PILRA: variants seen among roughly 807,000 people sequenced by gnomAD.
The protein encoded by PILRA is paired immunoglobin like type 2 receptor alpha, also known as paired immunoglobulin-like type 2 receptor alpha.
PILRA carries 37 observed loss-of-function variants against 33.1 expected under a neutral mutation model. The observed-to-expected ratio is 1.12, with a 90% confidence interval of 0.86 to 1.47. The LOEUF is 1.47. PILRA is among the 40% of genes most tolerant of loss of function. The probability of loss-of-function intolerance (pLI) is 0.00; values close to 1 mark genes in which losing one functional copy is unlikely to be tolerated. For missense variants in PILRA, 312 were observed against 376.2 expected (o/e 0.83, Z 1.41); for synonymous variants, 146 against 149.9 (o/e 0.97, Z 0.19).
chr7:100,397,775 C>T (rs1452050626), intron 3 of PILRA, 104 bp from the exon 4 acceptor site: 30 of 1,220,432 alleles, frequency 2.5e-5, no homozygotes, highest in African/African-American at 3.0e-5. Flanking sequence ...TCTGCTGCTC[C>T]GGTCCCTCTA....
intron 2 of PILRA, among the ~76,000 whole-genome samples, chr7:100,385,407 A>C (rs1791232366): frequency 6.6e-6 from 1 of 152,168 alleles, no homozygotes; most frequent in Non-Finnish European, 1.5e-5. Context: ...ACTTACACAT[A>C]ATTTAAAAAA....
intron 2 of PILRA, among the ~76,000 whole-genome samples, chr7:100,386,787 CA>C (rs1791264543): frequency 6.7e-6 from 1 of 149,290 alleles, no homozygotes; most frequent in African/African-American, 2.5e-5. Context: ...CCTCGGCCTC[CA>C]AAAGTGCTGA....
chr7:100,380,806 TA>T (rs1361326157), intron 2 of PILRA, among the ~76,000 whole-genome samples: 4 of 151,870 alleles, frequency 2.6e-5, no homozygotes, highest in Admixed American at 2.6e-4. Flanking sequence ...CTGTCTCTAC[TA>T]AAAATACAAA....
Position 100,373,552 on chromosome 7 carries a change from C to A in PILRA, c.-105C>A. ...CACAGCCCTCTTCGGAGCCTGAGCC[C>A]GGCTCTCCTCACTCACCTCAACCCC... is the stretch of plus-strand genomic sequence containing the variant. On this transcript the variant is annotated 5_prime_UTR_variant, in exon 1 of 7. Coordinates refer to ENST00000198536, the MANE Select transcript of PILRA (RefSeq NM_013439.3). 2 of 1,322,068 alleles carry A rather than the reference C, an allele frequency of 1.5e-6. No individual in the cohort carries two copies. Among genetic ancestry groups the A allele is most frequent in the Non-Finnish European group, 2.2e-6 (2 of 924,638 alleles). The allele number at this position is 1,322,068 out of a possible 1,614,324, so 81.9% of individuals were successfully genotyped here.
intron 2 of PILRA, among the ~76,000 whole-genome samples, chr7:100,375,100 C>T (rs1246998379): frequency 6.6e-6 from 1 of 152,164 alleles, no homozygotes; most frequent in Non-Finnish European, 1.5e-5. Flanking sequence ...ACCCTCCTCA[C>T]TTCTCCCTGG....
chr7:100,374,134 C>T lies in PILRA; in HGVS notation c.155C>T (p.Pro52Leu). The change falls in exon 2 of 7, where the codon CCC (proline) becomes CTC (leucine). Residue 52 changes from proline to leucine, a missense_variant. By Grantham distance (98) the Pro-to-Leu change is moderately conservative. Transcript: ENST00000198536. ...TCCATGGGTGGCTCTGTGGAAATCCCCTTCTCCTTCTATTACCCCTGGGAG... is the reference window on the plus strand; with the variant it reads ...TCCATGGGTGGCTCTGTGGAAATCCTCTTCTCCTTCTATTACCCCTGGGAG... ...SASMGGSVEIPFSFYYPWELA... is the reference protein window; with the variant it reads ...SASMGGSVEILFSFYYPWELA... The T allele has an allele frequency of 6.2e-7, 1 of 1,614,124 alleles. No homozygotes were observed. The highest frequency in any genetic ancestry group is 8.5e-7 in the Non-Finnish European group (1 of 1,180,022).
At chr7:100,385,686 A>G (rs1190758072) in intron 2 of PILRA, among the ~76,000 whole-genome samples, 5 of 151,932 alleles carry the variant, frequency 3.3e-5, no homozygotes, top group Non-Finnish European at 5.9e-5. Flanking sequence ...CTGGAGTGCA[A>G]TGACATGATC....
chr7:100,374,767 C>G (rs1457979385), intron 2 of PILRA: 1 of 396,432 alleles, frequency 2.5e-6, no homozygotes, highest in African/African-American at 2.1e-5. Flanking sequence ...TCCCCATAAC[C>G]TCCAGGCCGA....
rs1584231852 is a variant in PILRA at position 100,399,399 on chromosome 7, A to G, written c.757+59A>G. 4 of 1,482,040 alleles carry G rather than the reference A, an allele frequency of 2.7e-6. No homozygotes were observed. In the East Asian group the frequency reaches 9.1e-5, roughly 34 times the overall value. 91.8% of individuals were successfully genotyped at this position (1,482,040 alleles called of 1,614,324 possible). A position where few individuals can be genotyped will look rare whatever the true frequency, so the allele number is the denominator to read the frequency against. The stretch of plus-strand genomic sequence containing the variant: ...ACCCCTGGCACTTCCTGTTTCCCCA[A>G]ATACCCCCTACCTGGGTCCGTGCCC... On this transcript the variant is annotated intron_variant, in intron 5 of 6. Coordinates refer to ENST00000198536, the MANE Select transcript of PILRA (RefSeq NM_013439.3).
Position 100,399,790 on chromosome 7 carries a change from C to T in PILRA, c.795C>T (p.Asp265=), listed in dbSNP as rs114183192. 236 of 1,610,250 alleles carry T rather than the reference C, an allele frequency of 1.5e-4. 1 individual carries two copies. The African/African-American group carries it at 1.5e-3, about 10-fold the overall frequency. The change falls in exon 7 of 7, where the codon GAC becomes GAT. Residue 265 remains aspartate, a synonymous_variant. Transcript: ENST00000198536. ...CTCTCTGGGTTCTCGCCCAGGATGACGGCATCGTCTATGCTTCCCTTGCCC... is the reference window on the plus strand; with the variant it reads ...CTCTCTGGGTTCTCGCCCAGGATGATGGCATCGTCTATGCTTCCCTTGCCC... ...NTDPKLNPKD[D]GIVYASLALS...
chr7:100,399,693 G>A, intron 6 of PILRA, 81 bp downstream of exon 6: 2 of 1,611,476 alleles, frequency 1.2e-6, no homozygotes, highest in South Asian at 1.1e-5. Context: ...GGAGTGTGGT[G>A]TGGGCAGGAG....
In PILRA at chr7:100,373,597, G is replaced by T. The variant is rs2130149509; in HGVS notation, c.-60G>T. 5.6e-6 allele frequency: 9 copies of T among 1,601,762 alleles called. No homozygotes were observed. Among genetic ancestry groups the T allele is most frequent in the Middle Eastern group, 1.8e-4 (1 of 5,674 alleles). On this transcript the variant is annotated 5_prime_UTR_variant, in exon 1 of 7. Coordinates refer to ENST00000198536, the MANE Select transcript of PILRA (RefSeq NM_013439.3). ...AACCCCCAGGCGGCCCCTCCACAGG[G>T]CCCCTCTCCTGCCTGGACGGCTCTG...
Position 100,373,674 on chromosome 7 carries a change from G to A in PILRA, c.18G>A (p.Leu6=). 6.2e-7 allele frequency: 1 copy of A among 1,613,338 alleles called. No homozygotes were observed. Among genetic ancestry groups the A allele is most frequent in the Middle Eastern group, 1.7e-4 (1 of 6,058 alleles). Residue 6 remains leucine (L), a synonymous_variant, in exon 1 of 7, where the codon CTG becomes CTA. Coordinates refer to ENST00000198536, the MANE Select transcript of PILRA (RefSeq NM_013439.3). MGRPL[L]LPLLPLLLPP... ...ACAAGGCCATGGGTCGGCCCCTGCT[G>A]CTGCCCCTACTGCCCTTGCTGCTGC...
At chr7:100,388,122 C>T (rs1314572765) in intron 2 of PILRA, among the ~76,000 whole-genome samples, 5 of 152,102 alleles carry the variant, frequency 3.3e-5, no homozygotes, top group Non-Finnish European at 7.4e-5. Flanking sequence ...ATTTTCTAAA[C>T]AGTATGTTAT....
chr7:100,379,117 G>A (rs1347345282), intron 2 of PILRA, among the ~76,000 whole-genome samples: 1 of 149,252 alleles, frequency 6.7e-6, no homozygotes, highest in African/African-American at 2.5e-5. Context: ...AAAAAGTAAT[G>A]CATAGGCCAG....
chr7:100,372,332 A>G (rs1340243397), upstream of PILRA, among the ~76,000 whole-genome samples: 4 of 152,118 alleles, frequency 2.6e-5, no homozygotes, highest in Admixed American at 2.0e-4. Context: ...GGCCCTGGGA[A>G]GCACAGAGGA....
At chr7:100,376,740 G>C (rs1172721854) in intron 2 of PILRA, among the ~76,000 whole-genome samples, 2 of 138,964 alleles carry the variant, frequency 1.4e-5, no homozygotes, top group Non-Finnish European at 3.1e-5. Flanking sequence ...GGGATTACAG[G>C]TGTGAGCCAC....
chr7:100,388,749 CAAAAAAAAAAAAA>C (rs913179599), intron 2 of PILRA, among the ~76,000 whole-genome samples: 11 of 12,864 alleles, frequency 8.6e-4, no homozygotes, highest in South Asian at 7.8e-3. Flanking sequence ...GCCTCCGTCT[CAAAAAAAAAAAAA>C]AAAAAAAAAA....
At chr7:100,384,063 G>A (rs948447386) in intron 2 of PILRA, among the ~76,000 whole-genome samples, 1 of 152,142 alleles carries the variant, frequency 6.6e-6, no homozygotes, top group African/African-American at 2.4e-5. Context: ...GGCAGTGCAC[G>A]AGGTGAGAGT....
Sources: gnomAD v4.1 joint callset for allele counts (sites outside exome capture counted in the v4.1 genomes callset) on GRCh38, gnomAD v4.1.1 for gene constraint, MANE v1.5 for transcripts, NCBI Gene and HGNC (gene_info 2026-07-23, HGNC 2026-07-21) for gene names.